LPCAT2: variants seen among roughly 807,000 people sequenced by gnomAD.
The protein encoded by LPCAT2 is 1-AGP acyltransferase 11.
A neutral mutation model predicts 64.7 loss-of-function variants in LPCAT2; 58 were observed. The observed-to-expected ratio is 0.90, with a 90% CI of 0.73 to 1.12. The LOEUF is 1.12. LPCAT2 is among the 50% of genes most tolerant of loss of function. LPCAT2 has a pLI of 0.00. For missense variants in LPCAT2, 579 were observed against 669.8 expected (o/e 0.86, Z 1.50); for synonymous variants, 252 against 245.3 (o/e 1.03, Z -0.26).
chr16:55,582,284 T>C (rs969350506), intron 13 of LPCAT2, among the ~76,000 whole-genome samples: 1 of 152,172 alleles, frequency 6.6e-6, no homozygotes, highest in Non-Finnish European at 1.5e-5. Context: ...AGAAGGGGGT[T>C]GTTATCCTGA....
rs1290926981 is a variant in LPCAT2 at position 55,585,105 on chromosome 16, AC to A, written c.*2008del. On this transcript the variant is annotated 3_prime_UTR_variant, in exon 14 of 14. Transcript: ENST00000262134. ...AAAATATTTTATGCTCTTTATTTCC[AC>A]TTCTGTGAATGTGATATTTCTATTT... The A allele has an allele frequency of 6.6e-6, 1 of 152,142 alleles. No homozygotes were observed. Among genetic ancestry groups the A allele is most frequent in the Non-Finnish European group, 1.5e-5 (1 of 68,000 alleles). 9.4% of individuals were successfully genotyped at this position (152,142 alleles called of 1,614,324 possible).
intron 8 of LPCAT2, among the ~76,000 whole-genome samples, chr16:55,543,911 T>A (rs180877183): frequency 6.6e-6 from 1 of 152,218 alleles, no homozygotes; most frequent in African/African-American, 2.4e-5. Context: ...AATAATCAGA[T>A]AAATGTGAAA....
At chr16:55,571,975 G>C (rs1225813012) in intron 11 of LPCAT2, among the ~76,000 whole-genome samples, 1 of 152,002 alleles carries the variant, frequency 6.6e-6, no homozygotes, top group Non-Finnish European at 1.5e-5. Flanking sequence ...TCTGAATTTG[G>C]AATCTTAACA....
chr16:55,565,115 C>T (rs1963678075), intron 11 of LPCAT2, among the ~76,000 whole-genome samples: 1 of 151,942 alleles, frequency 6.6e-6, no homozygotes, highest in Non-Finnish European at 1.5e-5. Context: ...CATCATTAAT[C>T]ATTAGGGTAA....
Position 55,517,836 on chromosome 16 carries a change from GAAAAATAGCT to G in LPCAT2, c.172-7669_172-7660del, listed in dbSNP as rs576572744. The stretch of plus-strand genomic sequence containing the variant: ...CCTCAGCCTTATAAAGGGCATCTGT[GAAAAATAGCT>G]AACATACTTAATAGTGAAACACCAA... On this transcript the variant is annotated intron_variant, in intron 1 of 13. Transcript: ENST00000262134. 3.7e-3 allele frequency among the ~76,000 whole-genome samples: 563 copies of G among 152,292 alleles called. 3 individuals carry two copies. The highest frequency in any genetic ancestry group is 6.2e-3 in the Non-Finnish European group (423 of 68,008).
chr16:55,524,660 C>A (rs1221346104), intron 1 of LPCAT2, among the ~76,000 whole-genome samples: 1 of 151,934 alleles, frequency 6.6e-6, no homozygotes, highest in Non-Finnish European at 1.5e-5. Flanking sequence ...AAGAAGCCTA[C>A]TATCTGAGTA....
At chr16:55,534,821 A>G (rs945456071) in intron 7 of LPCAT2, among the ~76,000 whole-genome samples, 1 of 152,152 alleles carries the variant, frequency 6.6e-6, no homozygotes, top group Non-Finnish European at 1.5e-5. Context: ...GGCATTATCT[A>G]GTGTCTCTAT....
intron 4 of LPCAT2, 76 bp downstream of exon 4, chr16:55,530,023 T>C (rs887382242): frequency 7.5e-6 from 8 of 1,066,464 alleles, no homozygotes; most frequent in African/African-American, 1.6e-5. Flanking sequence ...CTCATTTGGA[T>C]CCACAGATAG....
intron 1 of LPCAT2, among the ~76,000 whole-genome samples, chr16:55,517,981 G>T (rs955859571): frequency 6.6e-6 from 1 of 152,098 alleles, no homozygotes; most frequent in African/African-American, 2.4e-5. Context: ...AAAAAGAAAA[G>T]ACATCTATAT....
At chr16:55,543,755 G>A (rs1377771555) in intron 8 of LPCAT2, among the ~76,000 whole-genome samples, 3 of 152,250 alleles carry the variant, frequency 2.0e-5, no homozygotes, top group East Asian at 1.9e-4. Flanking sequence ...TTCAGAGATC[G>A]TTTAGTTAAA....
At chr16:55,566,035 G>A (rs1963691679) in intron 11 of LPCAT2, among the ~76,000 whole-genome samples, 1 of 152,182 alleles carries the variant, frequency 6.6e-6, no homozygotes, top group Admixed American at 6.6e-5. Context: ...GAAGTATGAA[G>A]AGGCCTCTGA....
chr16:55,573,106 ATTACTCC>A (rs1179779480), intron 11 of LPCAT2, among the ~76,000 whole-genome samples: 1 of 152,196 alleles, frequency 6.6e-6, no homozygotes, highest in African/African-American at 2.4e-5. Flanking sequence ...AGATTAAATT[ATTACTCC>A]TTTTAGTTTC....
chr16:55,515,325 G>A (rs1400470266), intron 1 of LPCAT2, among the ~76,000 whole-genome samples: 5 of 152,066 alleles, frequency 3.3e-5, no homozygotes, highest in Non-Finnish European at 7.3e-5. Flanking sequence ...CCACAAGGGA[G>A]TAGCAGGATG....
At chr16:55,511,817 A>C (rs1236356555) in intron 1 of LPCAT2, among the ~76,000 whole-genome samples, 1 of 152,160 alleles carries the variant, frequency 6.6e-6, no homozygotes, top group Non-Finnish European at 1.5e-5. Flanking sequence ...AGTGACTCTT[A>C]TGCTAATATA....
At chr16:55,546,844 A>G (rs1271656321) in intron 9 of LPCAT2, among the ~76,000 whole-genome samples, 3 of 152,158 alleles carry the variant, frequency 2.0e-5, no homozygotes, top group African/African-American at 7.2e-5. Flanking sequence ...AAGCAAGATA[A>G]TTATTAGAAA....
chr16:55,551,098 A>T lies in LPCAT2; in HGVS notation c.1211A>T (p.Asp404Val). Reference protein sequence around the residue: ...DVLRQLFALFDRNHDGSIDFR... With the variant: ...DVLRQLFALFVRNHDGSIDFR... ...TTGAGACAACTTTTTGCACTCTTTG[A>T]CAGGGTATGTTAAAATTTAATCTTT... Residue 404 changes from aspartate (D) to valine (V), a missense_variant, in exon 11 of 14, where the codon GAC becomes GTC. Physicochemically the swap from Asp to Val is radical, Grantham distance 152. Transcript: ENST00000262134. 1 of 1,608,312 alleles carries T rather than the reference A, an allele frequency of 6.2e-7. No individual in the cohort carries two copies. Among genetic ancestry groups the T allele is most frequent in the Non-Finnish European group, 8.5e-7 (1 of 1,176,512 alleles).
Position 55,509,215 on chromosome 16 carries a change from G to A in LPCAT2, c.34G>A (p.Ala12Thr). ...SRCAQAAEVA[A>T]TVPGAGVGNV... Reference sequence around the variant, plus strand: ...GTGCGCCCAGGCGGCGGAAGTGGCGGCCACAGTGCCAGGTGCCGGCGTCGG... The same window carrying A: ...GTGCGCCCAGGCGGCGGAAGTGGCGACCACAGTGCCAGGTGCCGGCGTCGG... The change falls in exon 1 of 14, where the codon GCC (alanine) becomes ACC (threonine). Residue 12 changes from alanine to threonine, a missense_variant. Coordinates refer to ENST00000262134, the MANE Select transcript of LPCAT2 (RefSeq NM_017839.5). 2 of 1,425,514 alleles carry A rather than the reference G, an allele frequency of 1.4e-6. No homozygotes were observed. Among genetic ancestry groups the A allele is most frequent in the South Asian group, 1.5e-5 (1 of 67,376 alleles). 88.3% of individuals were successfully genotyped at this position (1,425,514 alleles called of 1,614,324 possible). A position where few individuals can be genotyped will look rare whatever the true frequency, so the allele number is the denominator to read the frequency against.
intron 8 of LPCAT2, chr16:55,538,374 C>T (rs750058287): frequency 5.9e-5 from 9 of 152,070 alleles, no homozygotes; most frequent in Non-Finnish European, 1.0e-4. Context: ...GATTGTGTAA[C>T]GAAAACCTTA....
chr16:55,556,869 G>A (rs1417468956), intron 11 of LPCAT2: 1 of 152,278 alleles, frequency 6.6e-6, no homozygotes, highest in African/African-American at 2.4e-5. Context: ...AGTGGGGAAG[G>A]GGATATAAAC....
Sources: gnomAD v4.1 joint callset for allele counts (sites outside exome capture counted in the v4.1 genomes callset) on GRCh38, gnomAD v4.1.1 for gene constraint, MANE v1.5 for transcripts, NCBI Gene and HGNC (gene_info 2026-07-23, HGNC 2026-07-21) for gene names.